Variants in CNTN4 observed in about 807,000 individuals in gnomAD.
The protein encoded by CNTN4 is contactin 4.
A neutral mutation model predicts 122.5 loss-of-function variants in CNTN4; 77 were observed. That is an observed-to-expected ratio of 0.63 (90% CI 0.52 to 0.76). The LOEUF (loss-of-function observed/expected upper bound fraction) is 0.76. Ranked by LOEUF, CNTN4 falls within the 30% of genes least tolerant of loss-of-function variation. The pLI, the probability that CNTN4 is intolerant of heterozygous loss-of-function variation, is 0.00. For synonymous variants in CNTN4, 512 were observed against 447.0 expected (o/e 1.15, Z -1.83); for missense variants, 1,256 against 1,259.1 (o/e 1.00, Z 0.04).
intron 13 of CNTN4, among the ~76,000 whole-genome samples, chr3:2,965,061 C>T (rs1355149977): frequency 2.6e-5 from 4 of 152,128 alleles, no homozygotes; most frequent in Non-Finnish European, 4.4e-5. Flanking sequence ...GATTCTATTA[C>T]GGTGTGCCAT....
At chr3:2,706,138 A>G (rs1039753033) in intron 4 of CNTN4, among the ~76,000 whole-genome samples, 5 of 151,148 alleles carry the variant, frequency 3.3e-5, no homozygotes, top group Non-Finnish European at 5.9e-5. Flanking sequence ...CAGAATAGCC[A>G]AATGACTACA....
intron 13 of CNTN4, among the ~76,000 whole-genome samples, chr3:2,941,228 G>T (rs2094611902): frequency 6.6e-6 from 1 of 151,930 alleles, no homozygotes; most frequent in Admixed American, 6.6e-5. Context: ...CTATTGGATT[G>T]TTCCTTCCAG....
intron 13 of CNTN4, among the ~76,000 whole-genome samples, chr3:2,979,735 G>A (rs1203303180): frequency 2.0e-5 from 3 of 151,858 alleles, no homozygotes; most frequent in African/African-American, 7.2e-5. Flanking sequence ...TTGTTTGTTT[G>A]TTGAAAGGAA....
At chr3:2,371,955 G>T (rs1262496293) in intron 3 of CNTN4, among the ~76,000 whole-genome samples, 1 of 152,198 alleles carries the variant, frequency 6.6e-6, no homozygotes, top group Non-Finnish European at 1.5e-5. Flanking sequence ...TATATTTTCA[G>T]TAGATGAGTT....
In CNTN4 at chr3:2,516,007, G is replaced by C. The variant is rs188177772; in HGVS notation, c.-88-55409G>C. ...TTGATGACAGTAATAGCTTGGATGGGCTCATCTTATTTCAGATCAGGGTAG... is the reference window on the plus strand; with the variant it reads ...TTGATGACAGTAATAGCTTGGATGGCCTCATCTTATTTCAGATCAGGGTAG... On this transcript the variant is annotated intron_variant, in intron 3 of 24. Coordinates refer to ENST00000418658, the MANE Select transcript of CNTN4 (RefSeq NM_175607.3). Among the ~76,000 whole-genome samples the C allele has an allele frequency of 3.6e-4, 54 of 152,094 alleles. 1 individual carries two copies. In the Middle Eastern group the frequency reaches 0.01, roughly 29 times the overall value.
chr3:2,673,942 A>G (rs151032285), intron 4 of CNTN4, among the ~76,000 whole-genome samples: 83 of 152,218 alleles, frequency 5.5e-4, no homozygotes, highest in Middle Eastern at 3.4e-3. Flanking sequence ...CTACCAGAGG[A>G]TGAGAGCCCA....
rs55743343 is a variant in CNTN4 at position 2,289,243 on chromosome 3, G to C, written c.-144-49935G>C. Among the ~76,000 whole-genome samples, 794 of 152,214 alleles carry C rather than the reference G, an allele frequency of 5.2e-3. 10 individuals are homozygous for C. Among genetic ancestry groups the C allele is most frequent in the African/African-American group, 0.018 (740 of 41,536 alleles). ...TGATGGAGTGATAGGTACAGGGAAG[G>C]ATGAGAGACCAGGTCCCCTAAAACC... On this transcript the variant is annotated intron_variant, in intron 2 of 24. Transcript: ENST00000418658.
At position 2,745,940 on chromosome 3, in the gene CNTN4, A is replaced by G. The variant is rs1309646097; in HGVS notation, c.358+243A>G. On this transcript the variant is annotated intron_variant, in intron 6 of 24. Coordinates refer to ENST00000418658, the MANE Select transcript of CNTN4 (RefSeq NM_175607.3). The stretch of plus-strand genomic sequence containing the variant: ...GTTGATTGTATGATAATTTGATTAT[A>G]TGATGCTTTCTTTATATACAAATAA... 1.3e-5 allele frequency among the ~76,000 whole-genome samples: 2 copies of G among 152,184 alleles called. 1 individual carries two copies. The highest frequency in any genetic ancestry group is 2.9e-5 in the Non-Finnish European group (2 of 68,050).
chr3:2,375,651 G>A (rs139501782), intron 3 of CNTN4, among the ~76,000 whole-genome samples: 192 of 152,294 alleles, frequency 1.3e-3, no homozygotes, highest in Non-Finnish European at 2.5e-3. Context: ...CCAGGGGCCT[G>A]CCCTATTCTG....
At chr3:2,717,289 T>G (rs1443860459) in intron 4 of CNTN4, among the ~76,000 whole-genome samples, 1 of 152,140 alleles carries the variant, frequency 6.6e-6, no homozygotes, top group Non-Finnish European at 1.5e-5. Context: ...AATATGGTTT[T>G]TTATGAACAC....
intron 3 of CNTN4, among the ~76,000 whole-genome samples, chr3:2,445,916 C>T (rs981661204): frequency 6.6e-6 from 1 of 152,070 alleles, no homozygotes; most frequent in Admixed American, 6.6e-5. Flanking sequence ...ATGTTCTGCC[C>T]TTGTCTAGGT....
chr3:2,220,877 A>C (rs2039036253), intron 2 of CNTN4, among the ~76,000 whole-genome samples: 1 of 152,094 alleles, frequency 6.6e-6, no homozygotes, highest in Non-Finnish European at 1.5e-5. Flanking sequence ...AACATGAATT[A>C]GAACTCAGAT....
intron 10 of CNTN4, among the ~76,000 whole-genome samples, chr3:2,895,849 A>T (rs1321571823): frequency 6.6e-6 from 1 of 152,172 alleles, no homozygotes; most frequent in Non-Finnish European, 1.5e-5. Context: ...CCTGGCTAAC[A>T]GGGTGAAACC....
intron 6 of CNTN4, among the ~76,000 whole-genome samples, chr3:2,765,888 G>C (rs1295923511): frequency 3.9e-5 from 6 of 152,158 alleles, no homozygotes; most frequent in Non-Finnish European, 7.4e-5. Flanking sequence ...CACACACACA[G>C]AAACTAACAT....
intron 4 of CNTN4, among the ~76,000 whole-genome samples, chr3:2,671,328 A>G (rs2150377335): frequency 2.0e-5 from 3 of 151,878 alleles, no homozygotes; most frequent in African/African-American, 7.2e-5. Flanking sequence ...TTCTCACTTC[A>G]TTTCACTCAT....
chr3:2,427,309 C>T (rs1344303662), intron 3 of CNTN4, among the ~76,000 whole-genome samples: 1 of 152,172 alleles, frequency 6.6e-6, no homozygotes, highest in Non-Finnish European at 1.5e-5. Context: ...ATCTTTATTT[C>T]TGCCTTCATT....
intron 2 of CNTN4, among the ~76,000 whole-genome samples, chr3:2,158,273 T>A (rs548235042): frequency 1.4e-4 from 22 of 152,340 alleles, no homozygotes; most frequent in African/African-American, 5.3e-4. Context: ...AGTTTAGATA[T>A]GTTTCTAAAA....
At chr3:2,904,691 G>C (rs2094210554) in intron 12 of CNTN4, among the ~76,000 whole-genome samples, 1 of 152,314 alleles carries the variant, frequency 6.6e-6, no homozygotes, top group East Asian at 1.9e-4. Context: ...ACTTGGAACT[G>C]AGTCTTTTGG....
At chr3:2,220,014 C>G (rs1298755743) in intron 2 of CNTN4, among the ~76,000 whole-genome samples, 1 of 152,070 alleles carries the variant, frequency 6.6e-6, no homozygotes, top group Non-Finnish European at 1.5e-5. Context: ...ATCAATTGAT[C>G]AATATTTCAG....
Sources: allele counts gnomAD v4.1 joint callset (sites outside exome capture counted in the v4.1 genomes callset), GRCh38; gene constraint gnomAD v4.1.1; transcripts MANE v1.5; gene names NCBI Gene and HGNC (gene_info 2026-07-23, HGNC 2026-07-21).